The following TIAM1 variants were observed in gnomAD, a reference collection of about 807,000 sequenced individuals.
TIAM1 encodes rho guanine nucleotide exchange factor TIAM1.
A neutral mutation model predicts 163.5 loss-of-function variants in TIAM1; 65 were observed. The ratio of observed to expected loss-of-function variants is 0.40; its 90% CI spans 0.33 to 0.49. The LOEUF (loss-of-function observed/expected upper bound fraction) is 0.49, where lower values mean the gene tolerates loss of function less well. TIAM1 is among the 20% of genes least tolerant of loss of function. The pLI is 0.77. For missense variants in TIAM1, 1,789 were observed against 2,044.7 expected (o/e 0.87, Z 2.41); for synonymous variants, 833 against 810.1 (o/e 1.03, Z -0.48).
chr21:31,180,055 G>A (rs2084943082), intron 15 of TIAM1, among the ~76,000 whole-genome samples: 1 of 151,862 alleles, frequency 6.6e-6, no homozygotes, highest in East Asian at 1.9e-4. Context: ...ACAGGCGCCT[G>A]CCACCACGGA....
At chr21:31,487,983 C>T (rs537267302) in intron 1 of TIAM1, among the ~76,000 whole-genome samples, 7 of 152,222 alleles carry the variant, frequency 4.6e-5, no homozygotes, top group African/African-American at 1.2e-4. Context: ...CGAGCCACTG[C>T]GCCCGGCCAC....
At chr21:31,231,421 T>A (rs561251829) in intron 6 of TIAM1, among the ~76,000 whole-genome samples, 1 of 152,226 alleles carries the variant, frequency 6.6e-6, no homozygotes, top group East Asian at 1.9e-4. Flanking sequence ...AACTGCAGCC[T>A]TTTGCTCTCC....
chr21:31,430,222 AAAAATAT>A (rs1444270251), intron 2 of TIAM1, among the ~76,000 whole-genome samples: 2,111 of 101,758 alleles, frequency 0.021, 66 homozygotes, highest in Admixed American at 0.074. Context: ...AAAAAAAAAA[AAAAATAT>A]ATATATATAT....
chr21:31,487,836 C>T (rs915484903), intron 1 of TIAM1, among the ~76,000 whole-genome samples: 24 of 151,960 alleles, frequency 1.6e-4, no homozygotes, highest in African/African-American at 4.3e-4. Flanking sequence ...GGATTACAGG[C>T]GTGAGCCACC....
intron 2 of TIAM1, among the ~76,000 whole-genome samples, chr21:31,460,347 T>C (rs1046302948): frequency 1.3e-5 from 2 of 152,042 alleles, no homozygotes; most frequent in African/African-American, 2.4e-5. Context: ...CTGTTCAAGG[T>C]TGGGCGTGGT....
At chr21:31,367,265 G>C (rs1455540683) in intron 2 of TIAM1, among the ~76,000 whole-genome samples, 1 of 152,134 alleles carries the variant, frequency 6.6e-6, no homozygotes, top group Non-Finnish European at 1.5e-5. Flanking sequence ...CAAGCCCTAT[G>C]AACAGCAAAG....
chr21:31,457,303 T>A (rs2045142286), intron 2 of TIAM1, among the ~76,000 whole-genome samples: 1 of 152,128 alleles, frequency 6.6e-6, no homozygotes, highest in East Asian at 1.9e-4. Flanking sequence ...TTAGCCAAGA[T>A]TTGGGTGCAC....
chr21:31,252,407 G>A (rs370972109), intron 4 of TIAM1, among the ~76,000 whole-genome samples: 9 of 152,292 alleles, frequency 5.9e-5, no homozygotes, highest in African/African-American at 2.2e-4. Flanking sequence ...CGCCCTCCGT[G>A]AGAGCACACG....
intron 12 of TIAM1, among the ~76,000 whole-genome samples, chr21:31,201,754 G>A: frequency 6.6e-6 from 1 of 152,106 alleles, no homozygotes; most frequent in East Asian, 1.9e-4. Context: ...ACACATCCAT[G>A]GCAAGCAGTC....
chr21:31,249,412 T>C (rs2071675333), intron 5 of TIAM1, among the ~76,000 whole-genome samples: 1 of 152,194 alleles, frequency 6.6e-6, no homozygotes, highest in African/African-American at 2.4e-5. Flanking sequence ...CAGTCTGTGG[T>C]GCTTTGCTAT....
At chr21:31,222,261 A>G (rs909437604) in intron 8 of TIAM1, among the ~76,000 whole-genome samples, 39 of 152,170 alleles carry the variant, frequency 2.6e-4, no homozygotes, top group Admixed American at 2.5e-3. Context: ...GGAACCTGAG[A>G]CTTAACATTT....
intron 2 of TIAM1, among the ~76,000 whole-genome samples, chr21:31,291,515 A>ATTTATTTG (rs1397643352): frequency 6.6e-6 from 1 of 151,898 alleles, no homozygotes; most frequent in Non-Finnish European, 1.5e-5. Context: ...GCCTTTATTT[A>ATTTATTTG]TTTATTTGTT....
At chr21:31,547,668 G>C (rs1183882363) in intron 1 of TIAM1, among the ~76,000 whole-genome samples, 1 of 152,160 alleles carries the variant, frequency 6.6e-6, no homozygotes, top group African/African-American at 2.4e-5. Flanking sequence ...TAATCACAGA[G>C]ATTTCAAGAT....
intron 2 of TIAM1, among the ~76,000 whole-genome samples, chr21:31,413,259 C>CTT (rs2043263648): frequency 5.4e-5 from 7 of 128,754 alleles, no homozygotes; most frequent in African/African-American, 2.2e-4. Flanking sequence ...CTTTTCTTTT[C>CTT]TTTTCTTTTT....
chr21:31,155,557 T>C (rs1416395455), intron 16 of TIAM1, among the ~76,000 whole-genome samples: 2 of 151,886 alleles, frequency 1.3e-5, no homozygotes, highest in Non-Finnish European at 2.9e-5. Context: ...CAGGCTGGAG[T>C]GCAGTGGTGC....
chr21:31,239,813 G>T (rs531272447), intron 6 of TIAM1, among the ~76,000 whole-genome samples: 2 of 152,096 alleles, frequency 1.3e-5, no homozygotes, highest in East Asian at 1.9e-4. Context: ...TCTTAAAAAG[G>T]ATTTTAAAAA....
At position 31,443,480 on chromosome 21, in the gene TIAM1, C is replaced by T. The variant is rs191693959; in HGVS notation, c.-369+20503G>A. Among the ~76,000 whole-genome samples, 52 of 152,288 alleles carry T rather than the reference C, an allele frequency of 3.4e-4. 1 individual carries two copies. The Middle Eastern group carries it at 0.017, about 50-fold the overall frequency. On this transcript the variant is annotated intron_variant, in intron 2 of 28. Coordinates refer to the TIAM1 transcript ENST00000286827. ...GTTTTTTAAACGTTATCATGCAGAGCTAAGTGTTAATATTCTTTCAATGCA... is the reference window on the plus strand; with the variant it reads ...GTTTTTTAAACGTTATCATGCAGAGTTAAGTGTTAATATTCTTTCAATGCA...
intron 1 of TIAM1, among the ~76,000 whole-genome samples, chr21:31,486,805 G>A (rs986138578): frequency 6.6e-6 from 1 of 152,252 alleles, no homozygotes; most frequent in Non-Finnish European, 1.5e-5. Context: ...CACAGCCTGA[G>A]ATGTAATGAG....
rs1293050579 is a variant in TIAM1, at chr21:31,210,330, G to A, written c.2218-115C>T. 9.8e-6 allele frequency: 11 copies of A among 1,118,570 alleles called. No individual in the cohort carries two copies. The Admixed American group carries it at 1.1e-4, about 11-fold the overall frequency. The allele number at this position is 1,118,570 out of a possible 1,614,324, so 69.3% of individuals were successfully genotyped here. A position where few individuals can be genotyped will look rare whatever the true frequency, so the allele number is the denominator to read the frequency against. On this transcript the variant is annotated intron_variant, in intron 10 of 27. Transcript: ENST00000541036. ...CATGAAAACAGCCCAGGGCAGAAGC[G>A]GAGGCAGTGGTGGGAGGCAGGGGAA...
Sources: allele counts gnomAD v4.1 joint callset (sites outside exome capture counted in the v4.1 genomes callset), GRCh38; gene constraint gnomAD v4.1.1; transcripts MANE v1.5; gene names NCBI Gene and HGNC (gene_info 2026-07-23, HGNC 2026-07-21).